GMEB2: variants seen among roughly 807,000 people sequenced by gnomAD.
The protein encoded by GMEB2 is glucocorticoid modulatory element-binding protein 2.
A neutral mutation model predicts 45.7 loss-of-function variants in GMEB2; 7 were observed. The observed-to-expected ratio is 0.15, with a 90% CI of 0.09 to 0.29. The LOEUF is 0.29. GMEB2 is among the 10% of genes least tolerant of loss of function. The pLI, the probability that GMEB2 is intolerant of heterozygous loss-of-function variation, is 1.00. For synonymous variants in GMEB2, 322 were observed against 323.6 expected (o/e 1.00, Z 0.05); for missense variants, 582 against 739.2 (o/e 0.79, Z 2.47).
chr20:63,624,939 C>T (rs1251417761), intron 1 of GMEB2, among the ~76,000 whole-genome samples: 1 of 152,090 alleles, frequency 6.6e-6, no homozygotes. Context: ...ATCTCCTGAC[C>T]TCGTGATCCG....
Position 63,619,497 on chromosome 20 carries a change from C to T in GMEB2, c.-57-43G>A, listed in dbSNP as rs2089631517. ...GGGCACAGGGATGGAGTCATCTCCA[C>T]ATCCACACAACATAGCACTCACAAA... On this transcript the variant is annotated intron_variant, in intron 1 of 9. Transcript: ENST00000370077. The surrounding 1 kb of genome is among the most constrained non-coding windows in gnomAD (Gnocchi z 4.6). 1 of 1,223,224 alleles carries T rather than the reference C, an allele frequency of 8.2e-7. No homozygotes were observed. The highest frequency in any genetic ancestry group is 1.2e-6 in the Non-Finnish European group (1 of 867,318). 75.8% of individuals were successfully genotyped at this position (1,223,224 alleles called of 1,614,324 possible).
At chr20:63,618,377 G>A (rs1395849417) in intron 2 of GMEB2, among the ~76,000 whole-genome samples, 2 of 152,134 alleles carry the variant, frequency 1.3e-5, no homozygotes, top group Non-Finnish European at 2.9e-5. Flanking sequence ...CTGACATGCA[G>A]GAGGGAGGTC....
intron 2 of GMEB2, among the ~76,000 whole-genome samples, chr20:63,617,528 C>T (rs1038355777): frequency 6.6e-6 from 1 of 152,164 alleles, no homozygotes; most frequent in Non-Finnish European, 1.5e-5. Flanking sequence ...CAGACCAGAT[C>T]AGGAAGAAAG....
In GMEB2 at chr20:63,609,099, C is replaced by T. The variant is rs1333540523; in HGVS notation, c.132-4259G>A. ...CACCTCCATTTCTAGAAACATGCCCCTCTGACCCACCTCCATTTCCAGAAA... is the reference window on the plus strand; with the variant it reads ...CACCTCCATTTCTAGAAACATGCCCTTCTGACCCACCTCCATTTCCAGAAA... On this transcript the variant is annotated intron_variant, in intron 2 of 9. Coordinates refer to ENST00000370077, the MANE Select transcript of GMEB2 (RefSeq NM_012384.5). Among the ~76,000 whole-genome samples, 14 of 113,994 alleles carry T rather than the reference C, an allele frequency of 1.2e-4. 1 individual carries two copies. Among genetic ancestry groups the T allele is most frequent in the African/African-American group, 4.5e-4 (13 of 29,092 alleles). The allele number at this position is 113,994 out of a possible 152,430, so 74.8% of individuals were successfully genotyped here.
In GMEB2 at chr20:63,590,720, T is replaced by C; in HGVS notation, c.962A>G (p.Gln321Arg). 1 of 1,506,128 alleles carries C rather than the reference T, an allele frequency of 6.6e-7. No homozygotes were observed. The highest frequency in any genetic ancestry group is 2.2e-5 in the Admixed American group (1 of 46,484). 93.3% of individuals were successfully genotyped at this position (1,506,128 alleles called of 1,614,324 possible). The change falls in exon 10 of 10, where the codon CAG (glutamine) becomes CGG (arginine). Residue 321 changes from glutamine (Q) to arginine (R), a missense_variant. Gln to Arg is a conservative substitution (Grantham distance 43). Transcript: ENST00000370077. The part of the protein sequence containing the change: ...QYARDLAALE[Q>R]QCDEHRRRAK... ...TCGGCGACGATGCTCATCACACTGCTGCTCCAGGGCTGCAGGGAGGTACAG... is the reference window on the plus strand; with the variant it reads ...TCGGCGACGATGCTCATCACACTGCCGCTCCAGGGCTGCAGGGAGGTACAG...
At chr20:63,605,183 G>C (rs537288536) in intron 2 of GMEB2, among the ~76,000 whole-genome samples, 1 of 151,486 alleles carries the variant, frequency 6.6e-6, no homozygotes, top group Non-Finnish European at 1.5e-5. Flanking sequence ...AGATTGCAGT[G>C]AGCCAAGATC....
At chr20:63,622,036 G>C (rs2089645036) in intron 1 of GMEB2, among the ~76,000 whole-genome samples, 1 of 151,976 alleles carries the variant, frequency 6.6e-6, no homozygotes, top group African/African-American at 2.4e-5. Context: ...GGCTGAGGCA[G>C]GAGGATCACT....
intron 2 of GMEB2, among the ~76,000 whole-genome samples, chr20:63,617,701 G>A (rs59745697): frequency 0.024 from 3,175 of 131,094 alleles, no homozygotes; most frequent in African/African-American, 0.029. Flanking sequence ...ACACCATCCC[G>A]GCAGCCGCGG....
intron 6 of GMEB2, among the ~76,000 whole-genome samples, chr20:63,594,835 G>T (rs542353904): frequency 7.9e-5 from 12 of 152,112 alleles, no homozygotes; most frequent in African/African-American, 2.7e-4. Context: ...TGCAACCTCC[G>T]CCTCCTGGGT....
At chr20:63,603,184 C>A in intron 3 of GMEB2, 92 bp from the exon 4 acceptor site, 17 of 1,438,264 alleles carry the variant, frequency 1.2e-5, no homozygotes, top group Non-Finnish European at 1.5e-5. Context: ...AAAATAGCTA[C>A]CAACATGGAA....
At chr20:63,602,824 GA>G in intron 4 of GMEB2, 140 bp downstream of exon 4, 1 of 716,698 alleles carries the variant, frequency 1.4e-6, no homozygotes, top group Non-Finnish European at 2.3e-6. Context: ...TCCTCTTCCT[GA>G]AGGTTCTTCC....
At chr20:63,595,848 T>G in intron 5 of GMEB2, 81 bp from the exon 6 acceptor site, 1 of 1,301,250 alleles carries the variant, frequency 7.7e-7, no homozygotes, top group South Asian at 1.2e-5. Context: ...ACCTGGGCCA[T>G]CCACCTGCGT....
intron 2 of GMEB2, among the ~76,000 whole-genome samples, chr20:63,605,369 C>A (rs1472616880): frequency 7.4e-5 from 11 of 148,938 alleles, no homozygotes; most frequent in African/African-American, 2.7e-4. Flanking sequence ...CTCGTCTTTA[C>A]TAAAAATACA....
intron 4 of GMEB2, among the ~76,000 whole-genome samples, chr20:63,598,476 A>G (rs2083216765): frequency 6.6e-6 from 1 of 152,204 alleles, no homozygotes. Flanking sequence ...ATCTTGTTAC[A>G]CAAGCAATTA....
chr20:63,618,057 C>T (rs1321855721), intron 2 of GMEB2, among the ~76,000 whole-genome samples: 1 of 152,240 alleles, frequency 6.6e-6, no homozygotes, highest in East Asian at 1.9e-4. Flanking sequence ...GCCGCGGCCA[C>T]GGCGTCCCAA....
At chr20:63,602,184 T>C (rs551609339) in intron 4 of GMEB2, among the ~76,000 whole-genome samples, 2 of 152,368 alleles carry the variant, frequency 1.3e-5, no homozygotes, top group African/African-American at 4.8e-5. Flanking sequence ...CTGGGGGAAC[T>C]GCCAGCTGGG....
In GMEB2 at chr20:63,592,193, G is replaced by A. The variant is rs773752350; in HGVS notation, c.830-49C>T. On this transcript the variant is annotated intron_variant, in intron 8 of 9. Transcript: ENST00000370077. The surrounding 1 kb of genome is among the most constrained non-coding windows in gnomAD (Gnocchi z 8.2). ...AGTGAGAGCCCAAGCCCTTCCTAGA[G>A]AGCCACGCGGACGCTCGGTGAGAGC... The A allele has an allele frequency of 5.7e-6, 9 of 1,577,780 alleles. No individual in the cohort carries two copies. In the South Asian group the frequency reaches 7.9e-5, roughly 14 times the overall value.
chr20:63,603,369 A>C (rs2083255143), intron 3 of GMEB2, among the ~76,000 whole-genome samples: 1 of 152,238 alleles, frequency 6.6e-6, no homozygotes, highest in Non-Finnish European at 1.5e-5. Flanking sequence ...AAATAAAATC[A>C]AACTTTAATT....
At chr20:63,621,712 A>C (rs1380430123) in intron 1 of GMEB2, among the ~76,000 whole-genome samples, 1 of 151,246 alleles carries the variant, frequency 6.6e-6, no homozygotes, top group East Asian at 1.9e-4. Flanking sequence ...AAAATGGTTA[A>C]ATTTTATGTT....
Sources: gnomAD v4.1 joint callset for allele counts (sites outside exome capture counted in the v4.1 genomes callset) on GRCh38, gnomAD v4.1.1 for gene constraint, Gnocchi (gnomAD v3.1) non-coding constraint, MANE v1.5 for transcripts, NCBI Gene and HGNC (gene_info 2026-07-23, HGNC 2026-07-21) for gene names.